KCNH7: variants seen among roughly 807,000 people sequenced by gnomAD.
KCNH7 encodes the protein voltage-gated inwardly rectifying potassium channel KCNH7.
A neutral mutation model predicts 120.8 loss-of-function variants in KCNH7; 49 were observed. That is an observed-to-expected ratio of 0.41 (90% CI 0.32 to 0.51). KCNH7 has a LOEUF of 0.51. Ranked by LOEUF, KCNH7 falls within the 20% of genes least tolerant of loss-of-function variation. The pLI is 0.38. For synonymous variants in KCNH7, 547 were observed against 516.1 expected (o/e 1.06, Z -0.81); for missense variants, 1,097 against 1,446.6 (o/e 0.76, Z 3.92).
rs766472267 is a variant in KCNH7, at chr2:162,373,551, C to G, written c.3243G>C (p.Gln1081His). The change falls in exon 15 of 16, where the codon CAG (glutamine) becomes CAC (histidine). Residue 1081 changes from glutamine (Q) to histidine (H), a missense_variant. Gln to His is a conservative substitution (Grantham distance 24). Around this residue, in one of 8 missense-constraint regions of KCNH7, gnomAD observed 406 missense variants for 410.5 expected, o/e 0.99. Coordinates refer to ENST00000332142, the MANE Select transcript of KCNH7 (RefSeq NM_033272.4). ...YSMVTAGSEY[Q>H]RPIIQLMRTS... ...TTCTCATCAGCTGGATGATGGGTCTCTGATATTCTGATCCTGCTGTTACCA... is the reference window on the plus strand; with the variant it reads ...TTCTCATCAGCTGGATGATGGGTCTGTGATATTCTGATCCTGCTGTTACCA... 1.3e-6 allele frequency: 2 copies of G among 1,595,792 alleles called. No individual in the cohort carries two copies. The highest frequency in any genetic ancestry group is 4.6e-5 in the East Asian group (2 of 43,446).
At chr2:162,763,567 T>A (rs1689037402) in intron 2 of KCNH7, among the ~76,000 whole-genome samples, 1 of 152,018 alleles carries the variant, frequency 6.6e-6, no homozygotes, top group Non-Finnish European at 1.5e-5. Context: ...GCTTGATGCA[T>A]CCATAGAGAG....
intron 6 of KCNH7, among the ~76,000 whole-genome samples, chr2:162,477,882 T>C (rs904528646): frequency 1.3e-5 from 2 of 151,500 alleles, no homozygotes; most frequent in African/African-American, 4.9e-5. Context: ...CCAACTTTTA[T>C]TGAGCAGACA....
chr2:162,787,039 A>C (rs1026096912), intron 2 of KCNH7, among the ~76,000 whole-genome samples: 1 of 152,238 alleles, frequency 6.6e-6, no homozygotes, highest in African/African-American at 2.4e-5. Flanking sequence ...GGGGAGAAGA[A>C]TGGATCGAGC....
chr2:162,530,705 C>T (rs886631082), intron 3 of KCNH7, among the ~76,000 whole-genome samples: 1 of 151,916 alleles, frequency 6.6e-6, no homozygotes, highest in Non-Finnish European at 1.5e-5. Flanking sequence ...AAAAGAGGTG[C>T]ATCAGAATTT....
intron 6 of KCNH7, among the ~76,000 whole-genome samples, chr2:162,459,436 G>A (rs533203348): frequency 2.2e-4 from 33 of 152,158 alleles, no homozygotes; most frequent in Admixed American, 5.9e-4. Context: ...GAATGTGTCT[G>A]CCTTGTCGAG....
intron 6 of KCNH7, among the ~76,000 whole-genome samples, chr2:162,498,552 C>G (rs934906059): frequency 6.6e-6 from 1 of 151,844 alleles, no homozygotes; most frequent in African/African-American, 2.4e-5. Context: ...GAATTCCTAT[C>G]TTCATCTCTG....
intron 7 of KCNH7, among the ~76,000 whole-genome samples, chr2:162,439,448 T>G (rs1688353728): frequency 1.3e-5 from 2 of 152,142 alleles, no homozygotes; most frequent in South Asian, 4.1e-4. Flanking sequence ...TGCCACTAAC[T>G]ATAGCAAAGG....
At chr2:162,716,289 T>C (rs1687122414) in intron 2 of KCNH7, among the ~76,000 whole-genome samples, 1 of 152,140 alleles carries the variant, frequency 6.6e-6, no homozygotes, top group South Asian at 2.1e-4. Flanking sequence ...CACCTAAAAA[T>C]TAATGTTCTA....
At chr2:162,541,286 A>G (rs1692293976) in intron 2 of KCNH7, among the ~76,000 whole-genome samples, 1 of 152,126 alleles carries the variant, frequency 6.6e-6, no homozygotes, top group Non-Finnish European at 1.5e-5. Flanking sequence ...CAGGGAATCA[A>G]TATAGTTGGA....
chr2:162,787,469 C>A (rs1229213388), intron 2 of KCNH7, among the ~76,000 whole-genome samples: 2 of 152,104 alleles, frequency 1.3e-5, no homozygotes, highest in Non-Finnish European at 2.9e-5. Context: ...TGGCCCTGAG[C>A]ACCAGGCTGG....
chr2:162,775,208 A>T (rs961372527), intron 2 of KCNH7, among the ~76,000 whole-genome samples: 4 of 152,156 alleles, frequency 2.6e-5, no homozygotes, highest in Non-Finnish European at 5.9e-5. Context: ...AGTAAAAAAA[A>T]ATTATCTGAT....
At chr2:162,820,209 T>TTTTGTG (rs1685065641) in intron 2 of KCNH7, among the ~76,000 whole-genome samples, 1 of 99,682 alleles carries the variant, frequency 1.0e-5, no homozygotes. Flanking sequence ...CCGGCTAATT[T>TTTTGTG]TGTGTGTGTG....
chr2:162,798,246 G>A (rs766763046), intron 2 of KCNH7, among the ~76,000 whole-genome samples: 9 of 151,924 alleles, frequency 5.9e-5, no homozygotes, highest in Non-Finnish European at 1.0e-4. Flanking sequence ...TTTGCCCTAA[G>A]GCTTTTTAAA....
intron 2 of KCNH7, among the ~76,000 whole-genome samples, chr2:162,753,359 T>C (rs1688674479): frequency 6.6e-6 from 1 of 152,136 alleles, no homozygotes; most frequent in Non-Finnish European, 1.5e-5. Flanking sequence ...TTGTCATAAT[T>C]ATTTTATATA....
At chr2:162,569,496 AT>A (rs1693386408) in intron 2 of KCNH7, among the ~76,000 whole-genome samples, 1 of 143,172 alleles carries the variant, frequency 7.0e-6, no homozygotes, top group South Asian at 2.4e-4. Flanking sequence ...GGATTCATTA[AT>A]TTTTTGAAGG....
intron 2 of KCNH7, among the ~76,000 whole-genome samples, chr2:162,799,949 T>TACACAC (rs3052920): frequency 0.027 from 3,891 of 146,382 alleles, 133 homozygotes; most frequent in African/African-American, 0.082. Flanking sequence ...TTTACACACA[T>TACACAC]ACACACACAC....
intron 2 of KCNH7, among the ~76,000 whole-genome samples, chr2:162,641,721 C>T (rs1684163582): frequency 6.9e-6 from 1 of 143,928 alleles, no homozygotes; most frequent in African/African-American, 2.7e-5. Context: ...ATCTTGATTA[C>T]ATCAATGATA....
At chr2:162,524,314 T>C (rs1691628908) in intron 3 of KCNH7, among the ~76,000 whole-genome samples, 1 of 151,990 alleles carries the variant, frequency 6.6e-6, no homozygotes, top group South Asian at 2.1e-4. Context: ...GAGTCACTGG[T>C]TATAGCCACA....
At chr2:162,758,109 G>A (rs1027507985) in intron 2 of KCNH7, among the ~76,000 whole-genome samples, 13 of 152,070 alleles carry the variant, frequency 8.5e-5, no homozygotes, top group Admixed American at 1.3e-4. Flanking sequence ...ATCTGTTGTC[G>A]CTAAAACATA....
Sources: gnomAD v4.1 joint callset for allele counts (sites outside exome capture counted in the v4.1 genomes callset) on GRCh38, gnomAD v4.1.1 for gene constraint, gnomAD v4.1.1 regional missense constraint, MANE v1.5 for transcripts, NCBI Gene and HGNC (gene_info 2026-07-23, HGNC 2026-07-21) for gene names.